Variants in TLN2 observed in about 807,000 individuals in gnomAD.
TLN2 encodes talin-2.
TLN2 carries 118 observed loss-of-function variants against 294.7 expected under a neutral mutation model. That is an observed-to-expected ratio of 0.40 (90% confidence interval 0.34 to 0.47). The LOEUF (loss-of-function observed/expected upper bound fraction) is 0.47. Ranked by LOEUF, TLN2 falls within the 20% of genes least tolerant of loss-of-function variation. The pLI, the probability that TLN2 is intolerant of heterozygous loss-of-function variation, is 0.84. For synonymous variants in TLN2, 1,431 were observed against 1,304.5 expected (o/e 1.10, Z -2.09); for missense variants, 3,083 against 3,282.2 (o/e 0.94, Z 1.48).
chr15:62,693,541 T>C (rs546125741), intron 13 of TLN2, among the ~76,000 whole-genome samples: 3 of 152,178 alleles, frequency 2.0e-5, no homozygotes, highest in East Asian at 1.9e-4. Context: ...GTAGCTGTAC[T>C]GTGCTTTTCA....
At chr15:62,590,133 T>A (rs1014752054) in intron 2 of TLN2, among the ~76,000 whole-genome samples, 1 of 152,218 alleles carries the variant, frequency 6.6e-6, no homozygotes, top group Admixed American at 6.5e-5. Context: ...GGGTAAGGAA[T>A]TAATGTAGAA....
rs186266962 is a variant in TLN2 at position 62,785,752 on chromosome 15, A to G, written c.5736+1862A>G. ...GAATCTACCACCATCTGCCTTAGGTAGTTTAACTACTGTCTCCCTGAACTG... is the reference window on the plus strand; with the variant it reads ...GAATCTACCACCATCTGCCTTAGGTGGTTTAACTACTGTCTCCCTGAACTG... On this transcript the variant is annotated intron_variant, in intron 45 of 58. Coordinates refer to ENST00000636159, the MANE Select transcript of TLN2 (RefSeq NM_015059.3). Among the ~76,000 whole-genome samples, 223 of 152,098 alleles carry G rather than the reference A, an allele frequency of 1.5e-3. 1 individual carries two copies. The highest frequency in any genetic ancestry group is 5.0e-3 in the African/African-American group (208 of 41,490).
intron 1 of TLN2, among the ~76,000 whole-genome samples, chr15:62,391,992 G>C (rs904119526): frequency 2.0e-4 from 30 of 152,268 alleles, no homozygotes; most frequent in African/African-American, 7.0e-4. Context: ...TCACTTCCTG[G>C]GGGAGAGGAG....
At chr15:62,703,598 C>G (rs981787089) in intron 19 of TLN2, among the ~76,000 whole-genome samples, 2 of 145,370 alleles carry the variant, frequency 1.4e-5, no homozygotes, top group Admixed American at 1.4e-4. Context: ...TTTATGTTTA[C>G]TTCGACACAC....
At chr15:62,800,621 A>G (rs2065871127) in intron 49 of TLN2, 32 bp from the exon 50 acceptor site, 1 of 1,612,974 alleles carries the variant, frequency 6.2e-7, no homozygotes, top group Non-Finnish European at 8.5e-7. Flanking sequence ...GAGTCACTGC[A>G]CTATCTGTAT....
At chr15:62,565,300 C>T (rs960778464) in intron 1 of TLN2, among the ~76,000 whole-genome samples, 3 of 152,120 alleles carry the variant, frequency 2.0e-5, no homozygotes, top group African/African-American at 7.2e-5. Flanking sequence ...TGAAAGTCAT[C>T]TAACTTAGAA....
At chr15:62,641,650 T>C (rs949841433) in intron 3 of TLN2, among the ~76,000 whole-genome samples, 2 of 67,852 alleles carry the variant, frequency 2.9e-5, no homozygotes, top group Non-Finnish European at 7.9e-5. Context: ...AAAATAATAA[T>C]AACAAGCCCT....
At chr15:62,408,634 T>C (rs2033574777) in intron 1 of TLN2, among the ~76,000 whole-genome samples, 1 of 152,234 alleles carries the variant, frequency 6.6e-6, no homozygotes, top group Non-Finnish European at 1.5e-5. Context: ...GTAGTGATTA[T>C]ATAGTAAAAT....
intron 1 of TLN2, among the ~76,000 whole-genome samples, chr15:62,560,406 G>A (rs1184443658): frequency 1.3e-5 from 2 of 152,080 alleles, no homozygotes; most frequent in Admixed American, 6.5e-5. Flanking sequence ...CTTGGGGTAT[G>A]GAAGTCATGT....
chr15:62,612,209 C>T (rs117452247), intron 2 of TLN2, among the ~76,000 whole-genome samples: 2,665 of 152,322 alleles, frequency 0.017, 38 homozygotes, highest in Middle Eastern at 0.031. Context: ...ACCTGTATAT[C>T]ATCTTGCTAA....
intron 17 of TLN2, among the ~76,000 whole-genome samples, chr15:62,701,544 T>C (rs1294047757): frequency 6.6e-6 from 1 of 152,008 alleles, no homozygotes; most frequent in Non-Finnish European, 1.5e-5. Context: ...TGGAAAATGG[T>C]TTTGAATGAA....
chr15:62,550,422 A>T (rs1173078111), intron 1 of TLN2, among the ~76,000 whole-genome samples: 4 of 152,140 alleles, frequency 2.6e-5, no homozygotes, highest in Non-Finnish European at 5.9e-5. Flanking sequence ...GAAATTATTT[A>T]TCTTTGTTAT....
intron 22 of TLN2, among the ~76,000 whole-genome samples, chr15:62,715,001 C>T (rs1234177392): frequency 6.6e-6 from 1 of 152,052 alleles, no homozygotes; most frequent in Non-Finnish European, 1.5e-5. Flanking sequence ...CAGAAAAAAA[C>T]AAAATGACTT....
chr15:62,751,156 C>A (rs907735594), intron 34 of TLN2, among the ~76,000 whole-genome samples: 2 of 151,376 alleles, frequency 1.3e-5, no homozygotes, highest in African/African-American at 2.4e-5. Context: ...AAAAAAAAAA[C>A]TGTTGAGAAA....
chr15:62,411,413 AGAGT>A (rs1465553843), intron 1 of TLN2, among the ~76,000 whole-genome samples: 1 of 143,866 alleles, frequency 7.0e-6, no homozygotes, highest in Non-Finnish European at 1.5e-5. Context: ...TCCTCCTTAG[AGAGT>A]GTGAGTAATG....
At chr15:62,458,564 G>C (rs1013937888) in intron 1 of TLN2, among the ~76,000 whole-genome samples, 2 of 149,650 alleles carry the variant, frequency 1.3e-5, no homozygotes, top group Non-Finnish European at 3.0e-5. Flanking sequence ...ATCTTCTTGA[G>C]GGGGCAGCCT....
chr15:62,472,392 C>G (rs953833739), intron 1 of TLN2, among the ~76,000 whole-genome samples: 2 of 152,202 alleles, frequency 1.3e-5, no homozygotes, highest in African/African-American at 4.8e-5. Flanking sequence ...AGTGTGAGTT[C>G]CTGATAGGCA....
intron 25 of TLN2, 110 bp downstream of exon 25, chr15:62,719,990 G>T: frequency 2.5e-6 from 2 of 807,768 alleles, no homozygotes; most frequent in Non-Finnish European, 3.6e-6. Flanking sequence ...AGTCTTTGCG[G>T]TAGGCAGGGC....
At chr15:62,836,782 C>T (rs912820089) in intron 57 of TLN2, among the ~76,000 whole-genome samples, 2 of 152,126 alleles carry the variant, frequency 1.3e-5, no homozygotes, top group Non-Finnish European at 2.9e-5. Flanking sequence ...ATATAGCAAA[C>T]GTTATCATTG....
Sources: allele counts gnomAD v4.1 joint callset (sites outside exome capture counted in the v4.1 genomes callset), GRCh38; gene constraint gnomAD v4.1.1; transcripts MANE v1.5; gene names NCBI Gene and HGNC (gene_info 2026-07-23, HGNC 2026-07-21).